Variants in NAXD observed in about 807,000 individuals in gnomAD.
The protein encoded by NAXD is NAD(P)HX dehydratase, also known as ATP-dependent (S)-NAD(P)H-hydrate dehydratase.
A neutral mutation model predicts 35.8 loss-of-function variants in NAXD; 22 were observed. The ratio of observed to expected loss-of-function variants is 0.62; its 90% CI spans 0.44 to 0.88. NAXD has a LOEUF of 0.88. Ranked by LOEUF, NAXD falls within the 40% of genes least tolerant of loss-of-function variation. NAXD has a pLI of 0.00. For missense variants in NAXD, 428 were observed against 437.7 expected (o/e 0.98, Z 0.20); for synonymous variants, 189 against 177.6 (o/e 1.06, Z -0.51).
At chr13:110,636,288 G>GT (rs1303484282) in intron 8 of NAXD, among the ~76,000 whole-genome samples, 1 of 152,384 alleles carries the variant, frequency 6.6e-6, no homozygotes, top group East Asian at 1.9e-4. Flanking sequence ...CAAAATCAGG[G>GT]TAGAACACTG....
At chr13:110,617,394 G>A (rs330548) in intron 1 of NAXD, among the ~76,000 whole-genome samples, 35,953 of 152,040 alleles carry the variant, frequency 0.24, 5,525 homozygotes, top group African/African-American at 0.44. Flanking sequence ...ATCTTAAGTC[G>A]CCTATTGTCA....
chr13:110,621,846 A>G (rs982043935), intron 1 of NAXD, among the ~76,000 whole-genome samples: 3 of 152,198 alleles, frequency 2.0e-5, no homozygotes, highest in Non-Finnish European at 4.4e-5. Flanking sequence ...CATGGCCAAC[A>G]TGATGAAACC....
At chr13:110,629,988 T>C (rs967139053) in intron 5 of NAXD, among the ~76,000 whole-genome samples, 2 of 152,246 alleles carry the variant, frequency 1.3e-5, no homozygotes, top group African/African-American at 4.8e-5. Flanking sequence ...TGAGCATCTT[T>C]GCATGTGCTC....
chr13:110,627,781 G>A (rs1886550926), intron 5 of NAXD, among the ~76,000 whole-genome samples: 1 of 152,200 alleles, frequency 6.6e-6, no homozygotes, highest in Admixed American at 6.5e-5. Context: ...TGCAGGAGGT[G>A]TGTGTGTGGA....
Position 110,631,079 on chromosome 13 carries a change from G to T in NAXD, c.442-3466G>T, listed in dbSNP as rs117171616. Among the ~76,000 whole-genome samples, 607 of 152,270 alleles carry T rather than the reference G, an allele frequency of 4.0e-3. 2 individuals carry two copies. The highest frequency in any genetic ancestry group is 6.8e-3 in the Non-Finnish European group (466 of 68,030). On this transcript the variant is annotated intron_variant, in intron 5 of 9. Coordinates refer to ENST00000680254, the MANE Select transcript of NAXD (RefSeq NM_001242882.2). ...ATGTTGAAACTGAAGATCAGTTGGG[G>T]GAATGTCTAACAACATTAAGTCTTC... is the stretch of plus-strand genomic sequence containing the variant.
In NAXD at chr13:110,624,217, A is replaced by C; in HGVS notation, c.198-17A>C. On this transcript the variant is annotated splice_polypyrimidine_tract_variant and intron_variant, in intron 2 of 9. Transcript: ENST00000680254. ...CTTATTCTCAGAAGTTTTTGACTCT[A>C]AATACCTTCTTTTTAGGTACACTGG... is the stretch of plus-strand genomic sequence containing the variant. The C allele has an allele frequency of 6.3e-7, 1 of 1,580,102 alleles. No homozygotes were observed. The highest frequency in any genetic ancestry group is 8.7e-7 in the Non-Finnish European group (1 of 1,151,412).
chr13:110,618,736 CATT>C (rs560483489), intron 1 of NAXD, among the ~76,000 whole-genome samples: 64 of 143,580 alleles, frequency 4.5e-4, no homozygotes, highest in African/African-American at 1.8e-3. Flanking sequence ...GTGTTCTTGT[CATT>C]ATTTGAATAA....
intron 9 of NAXD, 102 bp downstream of exon 9, chr13:110,637,351 A>T: frequency 2.9e-6 from 4 of 1,371,572 alleles, no homozygotes; most frequent in Non-Finnish European, 4.1e-6. Flanking sequence ...AACACTGACA[A>T]TGAACTCTAG....
chr13:110,633,510 A>G (rs381033), intron 5 of NAXD, among the ~76,000 whole-genome samples: 54,533 of 152,078 alleles, frequency 0.36, 10,669 homozygotes, highest in African/African-American at 0.51. Context: ...GGCTCCTCAA[A>G]TGCCGCCAAA....
At chr13:110,621,096 T>C (rs1316073285) in intron 1 of NAXD, among the ~76,000 whole-genome samples, 2 of 152,146 alleles carry the variant, frequency 1.3e-5, no homozygotes, top group Non-Finnish European at 2.9e-5. Context: ...TTGAACCCAA[T>C]TTAAGAGGTG....
At chr13:110,618,558 A>G (rs1293244989) in intron 1 of NAXD, among the ~76,000 whole-genome samples, 1 of 152,244 alleles carries the variant, frequency 6.6e-6, no homozygotes, top group Admixed American at 6.5e-5. Flanking sequence ...TTACACACTC[A>G]GAATTGATAT....
At position 110,627,484 on chromosome 13, in the gene NAXD, G is replaced by A; in HGVS notation, c.378G>A (p.Arg126=). 6.2e-7 allele frequency: 1 copy of A among 1,614,128 alleles called. No individual in the cohort carries two copies. The highest frequency in any genetic ancestry group is 8.5e-7 in the Non-Finnish European group (1 of 1,180,004). ...ATGAGGTGGAGAAGTGGCTGCCCCG[G>A]CTGCATGCTCTTGTCGTAGGACCTG... ...AVHEVEKWLP[R]LHALVVGPGL... Residue 126 remains arginine, a synonymous_variant, in exon 5 of 10, where the codon CGG becomes CGA. Coordinates refer to ENST00000680254, the MANE Select transcript of NAXD (RefSeq NM_001242882.2).
At chr13:110,629,067 C>T (rs904438671) in intron 5 of NAXD, among the ~76,000 whole-genome samples, 14 of 152,182 alleles carry the variant, frequency 9.2e-5, no homozygotes, top group African/African-American at 2.4e-4. Context: ...GGTCATCTAG[C>T]GTGGGCTGCC....
At chr13:110,617,890 C>G (rs1381663323) in intron 1 of NAXD, among the ~76,000 whole-genome samples, 1 of 152,156 alleles carries the variant, frequency 6.6e-6, no homozygotes, top group Admixed American at 6.6e-5. Flanking sequence ...GAACATGTAT[C>G]AAGTGTCTTG....
chr13:110,619,381 T>C (rs1041964983), intron 1 of NAXD, among the ~76,000 whole-genome samples: 1 of 152,204 alleles, frequency 6.6e-6, no homozygotes, highest in African/African-American at 2.4e-5. Flanking sequence ...CCTTTTCTTA[T>C]TGTGAGAAAT....
intron 4 of NAXD, among the ~76,000 whole-genome samples, chr13:110,626,955 T>A (rs1886508867): frequency 6.6e-6 from 1 of 152,250 alleles, no homozygotes; most frequent in African/African-American, 2.4e-5. Context: ...ATGTATGTGA[T>A]GGAAACAAAC....
At chr13:110,625,820 CTT>C (rs1190332369) in intron 4 of NAXD, among the ~76,000 whole-genome samples, 1 of 152,188 alleles carries the variant, frequency 6.6e-6, no homozygotes, top group Non-Finnish European at 1.5e-5. Context: ...AGCGTTTGCT[CTT>C]GTTTACTTTT....
At chr13:110,616,507 G>C (rs1303950962) in intron 1 of NAXD, among the ~76,000 whole-genome samples, 1 of 152,248 alleles carries the variant, frequency 6.6e-6, no homozygotes, top group Non-Finnish European at 1.5e-5. Flanking sequence ...ATGTCCCCGA[G>C]GGCCCTGCCC....
At position 110,639,614 on chromosome 13, in the gene NAXD, C is replaced by T. The variant is rs943691618; in HGVS notation, c.*1086C>T. The T allele has an allele frequency of 1.3e-5, 2 of 152,202 alleles. No individual in the cohort carries two copies. Among genetic ancestry groups the T allele is most frequent in the Admixed American group, 6.5e-5 (1 of 15,270 alleles). The allele number at this position is 152,202 out of a possible 1,614,324, so 9.4% of individuals were successfully genotyped here. Reference sequence around the variant, plus strand: ...TGGAGCGGCCTGACGTTGACGTGTTCTCTGGTCCCATGTCTTAGCGGGGCA... The same window carrying T: ...TGGAGCGGCCTGACGTTGACGTGTTTTCTGGTCCCATGTCTTAGCGGGGCA... On this transcript the variant is annotated 3_prime_UTR_variant, in exon 10 of 10. Transcript: ENST00000680254.
Sources: allele counts gnomAD v4.1 joint callset (sites outside exome capture counted in the v4.1 genomes callset), GRCh38; gene constraint gnomAD v4.1.1; transcripts MANE v1.5; gene names NCBI Gene and HGNC (gene_info 2026-07-23, HGNC 2026-07-21).